The following JAG1 variants were observed in gnomAD, a reference collection of about 807,000 sequenced individuals.
JAG1 encodes the protein jagged canonical Notch ligand 1.
JAG1 carries 23 observed loss-of-function variants against 148.7 expected under a neutral mutation model. The ratio of observed to expected loss-of-function variants is 0.15; its 90% CI spans 0.11 to 0.22. The LOEUF is 0.22. Among genes scored for constraint, JAG1 ranks in the 10% least tolerant of loss-of-function variants. The probability of loss-of-function intolerance (pLI) is 1.00; values close to 1 mark genes in which losing one functional copy is unlikely to be tolerated. For missense variants in JAG1, 1,054 were observed against 1,611.2 expected (o/e 0.65, Z 5.92); for synonymous variants, 572 against 598.3 (o/e 0.96, Z 0.64).
Position 10,642,541 on chromosome 20 carries a change from T to C in JAG1, c.2519A>G (p.Asn840Ser), listed in dbSNP as rs1568792705. Residue 840 changes from asparagine (N) to serine (S), a missense_variant, in exon 21 of 26, where the codon AAT (asparagine) becomes AGT (serine). Transcript: ENST00000254958. ...AFGATCVDEI[N>S]GYRCVCPPGH... ...TGGAGGGCAGACACACCGGTAGCCATTGATCTCATCCACACAGGTCGCTCC... is the reference window on the plus strand; with the variant it reads ...TGGAGGGCAGACACACCGGTAGCCACTGATCTCATCCACACAGGTCGCTCC... 2 of 1,613,960 alleles carry C rather than the reference T, an allele frequency of 1.2e-6. No individual in the cohort carries two copies. Among genetic ancestry groups the C allele is most frequent in the Non-Finnish European group, 1.7e-6 (2 of 1,179,948 alleles).
At chr20:10,640,106 G>A in intron 25 of JAG1, 151 bp from the exon 26 acceptor site, 1 of 707,576 alleles carries the variant, frequency 1.4e-6, no homozygotes, top group Admixed American at 2.1e-5. Flanking sequence ...ATTGCATATG[G>A]TCACTTCACA....
intron 4 of JAG1, among the ~76,000 whole-genome samples, chr20:10,658,004 T>C (rs1484841698): frequency 3.9e-5 from 6 of 152,214 alleles, no homozygotes; most frequent in East Asian, 1.9e-4. Context: ...GTAGAAGGAA[T>C]TGAGGGAAGC....
At chr20:10,662,757 C>G (rs984234516) in intron 3 of JAG1, among the ~76,000 whole-genome samples, 3 of 152,142 alleles carry the variant, frequency 2.0e-5, no homozygotes, top group African/African-American at 7.2e-5. Flanking sequence ...CACACCCCCC[C>G]ACGGCATTAC....
chr20:10,663,946 A>C lies in JAG1; in HGVS notation c.439+17T>G. 6.2e-7 allele frequency: 1 copy of C among 1,610,620 alleles called. No homozygotes were observed. The highest frequency in any genetic ancestry group is 2.2e-5 in the East Asian group (1 of 44,868). ...TCCACGTGTGTTTAGAGAAAAGTCC[A>C]CAGAAGCGATACTTACGAACGGTGT... On this transcript the variant is annotated intron_variant, in intron 3 of 25. Transcript: ENST00000254958.
rs45534738 is a variant in JAG1, at chr20:10,638,742, T to C, written c.*756A>G. ...ATTTTGGCTTATAGGCAACAAGTAA[T>C]GAGAAGAGTTCAAAAAAATAAAGCC... On this transcript the variant is annotated 3_prime_UTR_variant, in exon 26 of 26. Coordinates refer to ENST00000254958, the MANE Select transcript of JAG1 (RefSeq NM_000214.3). The C allele has an allele frequency of 6.2e-3, 950 of 152,716 alleles. 2 individuals carry two copies. The highest frequency in any genetic ancestry group is 0.011 in the Non-Finnish European group (725 of 68,028). The allele number at this position is 152,716 out of a possible 1,614,324, so 9.5% of individuals were successfully genotyped here.
At chr20:10,646,880 AGGCAGGGGCAGG>A (rs567896976) in intron 14 of JAG1, 47 bp downstream of exon 14, 5 of 1,520,408 alleles carry the variant, frequency 3.3e-6, no homozygotes, top group Non-Finnish European at 4.6e-6. Flanking sequence ...CCAGGGGCAG[AGGCAGGGGCAGG>A]GGCAGGCTGG....
chr20:10,662,743 C>A (rs1600191035), intron 3 of JAG1, among the ~76,000 whole-genome samples: 1 of 152,124 alleles, frequency 6.6e-6, no homozygotes, highest in Non-Finnish European at 1.5e-5. Flanking sequence ...CTGCCACCCC[C>A]ACACACACCC....
intron 21 of JAG1, among the ~76,000 whole-genome samples, chr20:10,642,149 C>A (rs183179824): frequency 6.6e-6 from 1 of 152,076 alleles, no homozygotes; most frequent in South Asian, 2.1e-4. Flanking sequence ...TACCCACTGG[C>A]GATGAAAGGA....
In JAG1 at chr20:10,645,057, G is replaced by C. The variant is rs2067298624; in HGVS notation, c.2228-78C>G. On this transcript the variant is annotated intron_variant, in intron 17 of 25. Coordinates refer to ENST00000254958, the MANE Select transcript of JAG1 (RefSeq NM_000214.3). The surrounding 1 kb of genome is among the most constrained non-coding windows in gnomAD (Gnocchi z 6.1). ...TGGAGGGGCAAGAACCAGGCCCAGA[G>C]AAATATCATAAGCTCCAGGGGCCAA... 2.0e-6 allele frequency: 3 copies of C among 1,522,154 alleles called. No individual in the cohort carries two copies. Among genetic ancestry groups the C allele is most frequent in the East Asian group, 4.5e-5 (2 of 44,444 alleles). 94.3% of individuals were successfully genotyped at this position (1,522,154 alleles called of 1,614,324 possible). A position where few individuals can be genotyped will look rare whatever the true frequency, so the allele number is the denominator to read the frequency against.
intron 4 of JAG1, among the ~76,000 whole-genome samples, chr20:10,657,118 C>T (rs2067384396): frequency 6.6e-6 from 1 of 152,122 alleles, no homozygotes; most frequent in Non-Finnish European, 1.5e-5. Flanking sequence ...ATAATCCCAA[C>T]ACTTTGGGAG....
At chr20:10,664,474 C>T (rs1342267248) in intron 2 of JAG1, among the ~76,000 whole-genome samples, 1 of 152,030 alleles carries the variant, frequency 6.6e-6, no homozygotes, top group Non-Finnish European at 1.5e-5. Context: ...GCTAAGGTTA[C>T]ACTTTGGGCC....
chr20:10,651,605 A>G lies in JAG1; in HGVS notation c.1096T>C (p.Trp366Arg). The G allele has an allele frequency of 6.2e-7, 1 of 1,613,604 alleles. No individual in the cohort carries two copies. The highest frequency in any genetic ancestry group is 8.5e-7 in the Non-Finnish European group (1 of 1,179,538). ...LGFECECSPG[W>R]TGPTCSTNID... ...CTTGTAGAGCATGTGGGGCCGGTCC[A>G]GCCTGGGGAACACTCACACTCAAAG... is the stretch of plus-strand genomic sequence containing the variant. The change falls in exon 8 of 26, where the codon TGG (tryptophan) becomes CGG (arginine). Residue 366 changes from tryptophan (W) to arginine (R), a missense_variant. Trp to Arg is a moderately radical substitution (Grantham distance 101). Transcript: ENST00000254958.
At chr20:10,661,615 C>T (rs1285898987) in intron 3 of JAG1, among the ~76,000 whole-genome samples, 2 of 152,146 alleles carry the variant, frequency 1.3e-5, no homozygotes, top group Non-Finnish European at 2.9e-5. Flanking sequence ...TTGTGGGCCA[C>T]ATGAAGATCT....
At chr20:10,647,849 G>T in intron 13 of JAG1, 111 bp downstream of exon 13, 1 of 1,158,762 alleles carries the variant, frequency 8.6e-7, no homozygotes, top group Non-Finnish European at 1.3e-6. Context: ...TCACTATAGA[G>T]GTCCTCCTCA....
intron 8 of JAG1, chr20:10,650,668 TAAAG>T: frequency 2.8e-6 from 1 of 357,236 alleles, no homozygotes; most frequent in Non-Finnish European, 5.3e-6. Context: ...TCTTTATTTT[TAAAG>T]AAAAGTTTCA....
chr20:10,667,284 GCA>G (rs2067461346), intron 2 of JAG1, among the ~76,000 whole-genome samples: 1 of 152,240 alleles, frequency 6.6e-6, no homozygotes, highest in African/African-American at 2.4e-5. Flanking sequence ...CGGCCATTGT[GCA>G]CAGTCAGTCG....
intron 14 of JAG1, 65 bp downstream of exon 14, chr20:10,646,874 G>GGGCAGA: frequency 1.3e-6 from 2 of 1,515,002 alleles, no homozygotes; most frequent in Non-Finnish European, 1.8e-6. Flanking sequence ...GGTGGGCCAG[G>GGGCAGA]GGCAGAGGCA....
At chr20:10,642,467 G>A (rs558458874) in intron 21 of JAG1, 21 bp downstream of exon 21, 3 of 1,451,162 alleles carry the variant, frequency 2.1e-6, no homozygotes, top group African/African-American at 2.8e-5. Flanking sequence ...CCCATGGGCA[G>A]CTGAAGCCTG....
intron 5 of JAG1, among the ~76,000 whole-genome samples, chr20:10,652,895 G>T (rs1423204075): frequency 6.6e-6 from 1 of 152,078 alleles, no homozygotes; most frequent in Non-Finnish European, 1.5e-5. Context: ...AAAGGTGAAG[G>T]CATGGAATAA....
Sources: gnomAD v4.1 joint callset for allele counts (sites outside exome capture counted in the v4.1 genomes callset) on GRCh38, gnomAD v4.1.1 for gene constraint, Gnocchi (gnomAD v3.1) non-coding constraint, MANE v1.5 for transcripts, NCBI Gene and HGNC (gene_info 2026-07-23, HGNC 2026-07-21) for gene names.